The following INO80 variants were observed in gnomAD, a reference collection of about 807,000 sequenced individuals.
INO80 encodes the protein chromatin-remodeling ATPase INO80.
In INO80, 20 loss-of-function variants were observed where a neutral mutation model predicts 203.4. The observed-to-expected ratio is 0.10, with a 90% confidence interval of 0.07 to 0.14. INO80 has a LOEUF of 0.14. Ranked by LOEUF, INO80 falls within the 10% of genes least tolerant of loss-of-function variation. INO80 has a pLI of 1.00. For synonymous variants in INO80, 726 were observed against 685.2 expected (o/e 1.06, Z -0.93); for missense variants, 1,419 against 1,914.4 (o/e 0.74, Z 4.83).
At chr15:41,087,893 G>A (rs1596319719) in intron 5 of INO80, among the ~76,000 whole-genome samples, 1 of 151,960 alleles carries the variant, frequency 6.6e-6, no homozygotes, top group Non-Finnish European at 1.5e-5. Flanking sequence ...ACAAGTCACT[G>A]AAAATAATTT....
At chr15:41,075,435 C>T (rs1043458668) in intron 9 of INO80, among the ~76,000 whole-genome samples, 2 of 151,610 alleles carry the variant, frequency 1.3e-5, no homozygotes, top group Non-Finnish European at 2.9e-5. Flanking sequence ...CAATGCCTGG[C>T]TAATTTTTCT....
chr15:41,074,981 C>T (rs1375985870), intron 9 of INO80, among the ~76,000 whole-genome samples: 2 of 152,112 alleles, frequency 1.3e-5, no homozygotes, highest in African/African-American at 4.8e-5. Flanking sequence ...AGGTGATCCA[C>T]TGGCTTCAGC....
intron 29 of INO80, among the ~76,000 whole-genome samples, 192 bp from the exon 30 acceptor site, chr15:40,988,166 T>C (rs2043766345): frequency 6.6e-6 from 1 of 152,198 alleles, no homozygotes; most frequent in Non-Finnish European, 1.5e-5. Context: ...AAAAGATACA[T>C]GCTCCTGTTT....
At chr15:41,007,470 A>G (rs1449637659) in intron 27 of INO80, among the ~76,000 whole-genome samples, 1 of 152,010 alleles carries the variant, frequency 6.6e-6, no homozygotes, top group African/African-American at 2.4e-5. Flanking sequence ...GGTGTGACCC[A>G]CTGAGCCAAG....
intron 1 of INO80, among the ~76,000 whole-genome samples, chr15:41,110,053 C>G (rs2045936877): frequency 6.7e-6 from 1 of 150,370 alleles, no homozygotes; most frequent in African/African-American, 2.4e-5. Context: ...TGAGATCGTG[C>G]TACTGCACAC....
chr15:41,051,538 C>CACTG (rs2044871026), intron 19 of INO80, among the ~76,000 whole-genome samples: 1 of 151,372 alleles, frequency 6.6e-6, no homozygotes, highest in Non-Finnish European at 1.5e-5. Context: ...TAGCTGGGTG[C>CACTG]ACTGACTCAC....
At chr15:41,103,903 G>A (rs150327313) in intron 1 of INO80, among the ~76,000 whole-genome samples, 34 of 151,968 alleles carry the variant, frequency 2.2e-4, no homozygotes, top group Admixed American at 1.7e-3. Flanking sequence ...GTCTCACTTC[G>A]CGCAAAGAGG....
At chr15:41,081,129 T>C (rs1469739639) in intron 7 of INO80, 56 bp from the exon 8 acceptor site, 4 of 1,116,554 alleles carry the variant, frequency 3.6e-6, no homozygotes, top group East Asian at 4.7e-5. Context: ...ACTAAGACTA[T>C]GTAGAATGAA....
At chr15:41,062,300 A>G (rs1402879289) in intron 14 of INO80, among the ~76,000 whole-genome samples, 1 of 152,116 alleles carries the variant, frequency 6.6e-6, no homozygotes, top group Admixed American at 6.5e-5. Flanking sequence ...CCCCCAGATT[A>G]TCTACTAGAG....
At chr15:40,990,285 C>CACTA (rs1481570254) in intron 29 of INO80, among the ~76,000 whole-genome samples, 1 of 152,196 alleles carries the variant, frequency 6.6e-6, no homozygotes, top group Non-Finnish European at 1.5e-5. Flanking sequence ...CCCACTTAAT[C>CACTA]ACTAACTTCT....
At chr15:41,080,666 G>A (rs955440389) in intron 8 of INO80, among the ~76,000 whole-genome samples, 20 of 152,100 alleles carry the variant, frequency 1.3e-4, no homozygotes, top group Non-Finnish European at 1.5e-4. Context: ...GACCAGCCTG[G>A]CCAACATGGT....
At chr15:41,016,637 G>A (rs917958375) in intron 26 of INO80, among the ~76,000 whole-genome samples, 2 of 152,210 alleles carry the variant, frequency 1.3e-5, no homozygotes, top group Non-Finnish European at 2.9e-5. Context: ...AAAGCATTGA[G>A]AACGTATCCT....
chr15:41,005,492 A>C lies in INO80; in HGVS notation c.3497+101T>G. The C allele has an allele frequency of 8.3e-6, 5 of 605,826 alleles. No individual in the cohort carries two copies. In the Admixed American group the frequency reaches 1.5e-4, roughly 19 times the overall value. The allele number at this position is 605,826 out of a possible 1,614,324, so 37.5% of individuals were successfully genotyped here. A position where few individuals can be genotyped will look rare whatever the true frequency, so the allele number is the denominator to read the frequency against. ...AGGAATTACATCTTGATTCCTTAAC[A>C]ATCTCAGATGTCCTGGCATTTAAAA... On this transcript the variant is annotated intron_variant, in intron 28 of 35. Transcript: ENST00000648947.
intron 24 of INO80, among the ~76,000 whole-genome samples, chr15:41,036,214 C>T (rs1044593946): frequency 6.7e-6 from 1 of 148,354 alleles, no homozygotes; most frequent in African/African-American, 2.5e-5. Context: ...CTAAGCTGCT[C>T]CCAAGTTCCC....
chr15:41,064,489 C>T (rs1566934966), intron 14 of INO80, among the ~76,000 whole-genome samples: 1 of 152,038 alleles, frequency 6.6e-6, no homozygotes, highest in Non-Finnish European at 1.5e-5. Context: ...AAGTGATCAT[C>T]CCACCTAGAA....
chr15:41,061,547 C>G (rs1227492875), intron 14 of INO80, among the ~76,000 whole-genome samples: 2 of 146,630 alleles, frequency 1.4e-5, no homozygotes, highest in Non-Finnish European at 3.0e-5. Flanking sequence ...CGCTTGAACC[C>G]AGGAAGCAGA....
intron 9 of INO80, among the ~76,000 whole-genome samples, chr15:41,078,709 C>T (rs986304120): frequency 2.0e-5 from 3 of 151,552 alleles, no homozygotes; most frequent in Non-Finnish European, 4.4e-5. Flanking sequence ...CTCAACTCTC[C>T]TTCCATTCAT....
intron 29 of INO80, among the ~76,000 whole-genome samples, chr15:40,994,372 GT>G (rs2043852698): frequency 6.6e-6 from 1 of 151,870 alleles, no homozygotes; most frequent in Non-Finnish European, 1.5e-5. Context: ...TCAGTTTTTT[GT>G]TTGTTTTTGA....
chr15:41,078,627 T>A (rs2045439733), intron 9 of INO80, among the ~76,000 whole-genome samples: 1 of 152,216 alleles, frequency 6.6e-6, no homozygotes, highest in Non-Finnish European at 1.5e-5. Context: ...AAAGCTCCAC[T>A]TTGACATGAG....
Sources: allele counts gnomAD v4.1 joint callset (sites outside exome capture counted in the v4.1 genomes callset), GRCh38; gene constraint gnomAD v4.1.1; transcripts MANE v1.5; gene names NCBI Gene and HGNC (gene_info 2026-07-23, HGNC 2026-07-21).